The following TTLL12 variants were observed in gnomAD, a reference collection of about 807,000 sequenced individuals.
TTLL12 encodes tubulin tyrosine ligase like 12.
In TTLL12, 77 loss-of-function variants were observed where a neutral mutation model predicts 79.6. The ratio of observed to expected loss-of-function variants is 0.97; its 90% CI spans 0.81 to 1.17. The LOEUF (loss-of-function observed/expected upper bound fraction) is 1.17. Among genes scored for constraint, TTLL12 ranks in the 50% most tolerant of loss-of-function variants. The pLI is 0.00. For synonymous variants in TTLL12, 437 were observed against 376.1 expected, an observed-to-expected ratio of 1.16 and a Z score of -1.87; for missense variants, 969 against 895.9, an observed-to-expected ratio of 1.08 and a Z score of -1.04.
intron 9 of TTLL12, 65 bp from the exon 10 acceptor site, chr22:43,172,619 C>A (rs1340396557): frequency 8.2e-6 from 13 of 1,589,702 alleles, no homozygotes; most frequent in African/African-American, 1.3e-5. Context: ...CCCGAGCACA[C>A]AAAGCCACGC....
At chr22:43,186,278 T>C (rs1050559952) in intron 1 of TTLL12, among the ~76,000 whole-genome samples, 6 of 146,978 alleles carry the variant, frequency 4.1e-5, no homozygotes, top group East Asian at 2.1e-4. Flanking sequence ...GCCAGGACAG[T>C]GGGGAACGCT....
intron 12 of TTLL12, 142 bp downstream of exon 12, chr22:43,169,358 G>A (rs1931703510): frequency 6.9e-6 from 5 of 727,270 alleles, no homozygotes; most frequent in Non-Finnish European, 1.1e-5. Context: ...TGTCTTGCCA[G>A]CCTCTGGGGA....
At position 43,176,369 on chromosome 22, in the gene TTLL12, G is replaced by A; in HGVS notation, c.868C>T (p.Leu290=). 1 of 1,605,700 alleles carries A rather than the reference G, an allele frequency of 6.2e-7. No homozygotes were observed. The part of the protein sequence containing the change: ...QAILEENKEK[L]PLDINPVVHP... ...ACCACGGGGTTGATGTCAAGTGGCA[G>A]CTTCTCCTTGTTTTCCTCCAGAATG... is the stretch of plus-strand genomic sequence containing the variant. The change falls in exon 6 of 14, where the codon CTG becomes TTG. Residue 290 remains leucine (L), a synonymous_variant. Coordinates refer to ENST00000216129, the MANE Select transcript of TTLL12 (RefSeq NM_015140.4).
Position 43,179,681 on chromosome 22 carries a change from C to A in TTLL12, c.778G>T (p.Ala260Ser). Reference sequence around the variant, plus strand: ...CTGAGGTCCAGCATGTCGGTGGGGGCCCAGGGCAGCAGCATGCACTTCCGG... The same window carrying A: ...CTGAGGTCCAGCATGTCGGTGGGGGACCAGGGCAGCAGCATGCACTTCCGG... ...LIRKCMLLPW[A>S]PTDMLDLSSC... The change falls in exon 5 of 14, where the codon GCC becomes TCC. Residue 260 changes from alanine to serine, a missense_variant. Physicochemically the swap from Ala to Ser is moderately conservative, Grantham distance 99. Transcript: ENST00000216129. 1 of 1,576,332 alleles carries A rather than the reference C, an allele frequency of 6.3e-7. No homozygotes were observed. Among genetic ancestry groups the A allele is most frequent in the Non-Finnish European group, 8.6e-7 (1 of 1,162,878 alleles).
Position 43,183,056 on chromosome 22 carries a change from G to A in TTLL12, c.271C>T (p.Pro91Ser), listed in dbSNP as rs779062023. Residue 91 changes from proline to serine, a missense_variant, in exon 2 of 14, where the codon CCC becomes TCC. Coordinates refer to ENST00000216129, the MANE Select transcript of TTLL12 (RefSeq NM_015140.4). ...EAAREVRKQQPNPGNELCYKV... is the reference protein window; with the variant it reads ...EAAREVRKQQSNPGNELCYKV... ...TAGCACAGCTCGTTCCCCGGGTTGG[G>A]CTGCTGCTTCCGCACCTCCCGGGCT... is the stretch of plus-strand genomic sequence containing the variant. 2.5e-6 allele frequency: 4 copies of A among 1,614,018 alleles called. No individual in the cohort carries two copies. The highest frequency in any genetic ancestry group is 3.4e-6 in the Non-Finnish European group (4 of 1,179,998).
intron 1 of TTLL12, among the ~76,000 whole-genome samples, chr22:43,185,647 T>A (rs1289573083): frequency 6.6e-6 from 1 of 152,164 alleles, no homozygotes; most frequent in African/African-American, 2.4e-5. Flanking sequence ...TCATGCCACC[T>A]CCCATCCTTC....
chr22:43,175,070 C>T (rs1931869277), intron 6 of TTLL12, among the ~76,000 whole-genome samples: 2 of 152,220 alleles, frequency 1.3e-5, no homozygotes, highest in Non-Finnish European at 2.9e-5. Flanking sequence ...CACGTCTCAG[C>T]AAGAGCCCCT....
Position 43,180,050 on chromosome 22 carries a change from G to C in TTLL12, c.547-50C>G, listed in dbSNP as rs1228265191. On this transcript the variant is annotated intron_variant, in intron 3 of 13. Coordinates refer to ENST00000216129, the MANE Select transcript of TTLL12 (RefSeq NM_015140.4). ...CTCTCGCTCACCCATCCACCCACCG[G>C]AACTCCCTTCCGGAACCCAGACATC... The C allele has an allele frequency of 4.0e-6, 6 of 1,517,430 alleles. No individual in the cohort carries two copies. The African/African-American group carries it at 5.5e-5, about 14-fold the overall frequency. The allele number at this position is 1,517,430 out of a possible 1,614,324, so 94.0% of individuals were successfully genotyped here.
intron 1 of TTLL12, chr22:43,185,829 C>T (rs978234957): frequency 2.4e-6 from 1 of 411,984 alleles, no homozygotes; most frequent in African/African-American, 2.2e-5. Context: ...ACCTTTTTGT[C>T]CTCATGAACA....
chr22:43,182,022 C>T (rs993221777), intron 2 of TTLL12, among the ~76,000 whole-genome samples: 11 of 152,116 alleles, frequency 7.2e-5, no homozygotes, highest in Non-Finnish European at 1.2e-4. Flanking sequence ...CAGAAAGGCC[C>T]GGAAGCAGAA....
In TTLL12 at chr22:43,168,659, G is replaced by A. The variant is rs1172560333; in HGVS notation, c.1783+115C>T. On this transcript the variant is annotated intron_variant, in intron 13 of 13. Coordinates refer to ENST00000216129, the MANE Select transcript of TTLL12 (RefSeq NM_015140.4). ...AGGGCTTTCCCCAACCCAGATTCCT[G>A]GCTGATTCAAGCCAGAGGACAGCCT... is the stretch of plus-strand genomic sequence containing the variant. The A allele has an allele frequency of 7.7e-6, 11 of 1,424,928 alleles. 1 individual carries two copies. The highest frequency in any genetic ancestry group is 2.0e-5 in the Admixed American group (1 of 49,964). The allele number at this position is 1,424,928 out of a possible 1,614,324, so 88.3% of individuals were successfully genotyped here. A position where few individuals can be genotyped will look rare whatever the true frequency, so the allele number is the denominator to read the frequency against.
At chr22:43,171,280 A>C (rs550968073) in intron 11 of TTLL12, among the ~76,000 whole-genome samples, 9 of 152,302 alleles carry the variant, frequency 5.9e-5, no homozygotes, top group South Asian at 2.1e-4. Flanking sequence ...CCACCTTGGA[A>C]GGGCCTTTGT....
rs6003085 is a variant in TTLL12 at position 43,169,132 on chromosome 22, C to T, written c.1645-220G>A. ...TCTGCCCATCTCCTGCCGCAGACCC[C>T]GTTGCTCCCCACTGCCCCAAGGAGC... On this transcript the variant is annotated intron_variant, in intron 12 of 13. Transcript: ENST00000216129. Among the ~76,000 whole-genome samples, 59 of 152,336 alleles carry T rather than the reference C, an allele frequency of 3.9e-4. 1 individual carries two copies. Among genetic ancestry groups the T allele is most frequent in the African/African-American group, 1.4e-3 (59 of 41,578 alleles).
At position 43,167,185 on chromosome 22, in the gene TTLL12, T is replaced by TCAGCCC. The variant is rs764132958; in HGVS notation, c.*817_*822dup. ...CTGTCTGGCGCTCCACCGCCCACAATCAGCCCCAGCCCCAGGCGCCCCTTG... is the reference window on the plus strand; with the variant it reads ...CTGTCTGGCGCTCCACCGCCCACAATCAGCCCCAGCCCCAGCCCCAGGCGCCCCTTG... On this transcript the variant is annotated 3_prime_UTR_variant, in exon 14 of 14. Transcript: ENST00000216129. 21 of 531,952 alleles carry TCAGCCC rather than the reference T, an allele frequency of 3.9e-5. No individual in the cohort carries two copies. Among genetic ancestry groups the TCAGCCC allele is most frequent in the South Asian group, 2.7e-4 (19 of 71,192 alleles). 33.0% of individuals were successfully genotyped at this position (531,952 alleles called of 1,614,324 possible). A position where few individuals can be genotyped will look rare whatever the true frequency, so the allele number is the denominator to read the frequency against.
Position 43,167,862 on chromosome 22 carries a change from G to A in TTLL12, c.*146C>T. ...CTGTGCTCCCGGAGTGTGGCGCCGG[G>A]AGGATGGCTCGGCAGGACAGAGGCC... is the stretch of plus-strand genomic sequence containing the variant. On this transcript the variant is annotated 3_prime_UTR_variant, in exon 14 of 14. Coordinates refer to ENST00000216129, the MANE Select transcript of TTLL12 (RefSeq NM_015140.4). 9.7e-7 allele frequency: 1 copy of A among 1,025,734 alleles called. No individual in the cohort carries two copies. The highest frequency in any genetic ancestry group is 1.4e-6 in the Non-Finnish European group (1 of 701,530). The allele number at this position is 1,025,734 out of a possible 1,614,324, so 63.5% of individuals were successfully genotyped here. A position where few individuals can be genotyped will look rare whatever the true frequency, so the allele number is the denominator to read the frequency against.
chr22:43,174,321 A>C lies in TTLL12; in HGVS notation c.1117T>G (p.Ser373Ala), dbSNP rs373423870. 7 of 1,609,802 alleles carry C rather than the reference A, an allele frequency of 4.3e-6. No homozygotes were observed. The African/African-American group carries it at 9.4e-5, about 22-fold the overall frequency. Residue 373 changes from serine (S) to alanine (A), a missense_variant, in exon 8 of 14, where the codon TCC becomes GCC. Coordinates refer to ENST00000216129, the MANE Select transcript of TTLL12 (RefSeq NM_015140.4). ...GGGCCACCTGCCCGGCGCGCGATGG[A>C]GGCCAGGCAGTCCTTGACAGTCAGC... ...NLLTVKDCLA[S>A]IARRAGGPEG...
Position 43,172,431 on chromosome 22 carries a change from C to T in TTLL12, c.1465G>A (p.Asp489Asn). The change falls in exon 10 of 14, where the codon GAT becomes AAT. Residue 489 changes from aspartate (D) to asparagine (N), a missense_variant. By Grantham distance (23) the Asp-to-Asn change is conservative. Coordinates refer to ENST00000216129, the MANE Select transcript of TTLL12 (RefSeq NM_015140.4). The stretch of plus-strand genomic sequence containing the variant: ...TTGGAGAACCGCAGCCAGAACACAT[C>T]ATACACGAACAACCGTAGGGGCCTC... ...SVRPLRLFVY[D>N]VFWLRFSNRA... The T allele has an allele frequency of 6.2e-7, 1 of 1,614,180 alleles. No homozygotes were observed. Among genetic ancestry groups the T allele is most frequent in the South Asian group, 1.1e-5 (1 of 91,080 alleles).
At chr22:43,184,712 G>A (rs7284585) in intron 1 of TTLL12, among the ~76,000 whole-genome samples, 1,807 of 152,308 alleles carry the variant, frequency 0.012, 46 homozygotes, top group African/African-American at 0.042. Flanking sequence ...TCCAGACCTC[G>A]GGCTTCCGCC....
At chr22:43,177,877 C>A (rs185965060) in intron 5 of TTLL12, among the ~76,000 whole-genome samples, 1 of 152,302 alleles carries the variant, frequency 6.6e-6, no homozygotes, top group East Asian at 1.9e-4. Context: ...TGTTACCCAG[C>A]CATAGCTAAT....
Sources: gnomAD v4.1 joint callset for allele counts (sites outside exome capture counted in the v4.1 genomes callset) on GRCh38, gnomAD v4.1.1 for gene constraint, MANE v1.5 for transcripts, NCBI Gene and HGNC (gene_info 2026-07-23, HGNC 2026-07-21) for gene names.